TTC6: variants seen among roughly 807,000 people sequenced by gnomAD.
TTC6 encodes tetratricopeptide repeat protein 6.
A neutral mutation model predicts 210.4 loss-of-function variants in TTC6; 172 were observed. The ratio of observed to expected loss-of-function variants is 0.82; its 90% confidence interval spans 0.72 to 0.93. The LOEUF is 0.93. Among genes scored for constraint, TTC6 ranks in the 40% least tolerant of loss-of-function variants. TTC6 has a pLI of 0.00. For synonymous variants in TTC6, 804 were observed against 819.6 expected (o/e 0.98, Z 0.32); for missense variants, 2,414 against 2,318.1 (o/e 1.04, Z -0.85).
intron 7 of TTC6, among the ~76,000 whole-genome samples, chr14:37,733,062 A>G (rs1328212503): frequency 2.6e-5 from 4 of 152,190 alleles, no homozygotes; most frequent in Admixed American, 1.3e-4. Flanking sequence ...GGTCAACGGT[A>G]TGTTTTACTT....
At chr14:37,729,493 C>T (rs1182405407) in intron 7 of TTC6, among the ~76,000 whole-genome samples, 2 of 152,164 alleles carry the variant, frequency 1.3e-5, no homozygotes. Context: ...TGCTCCCAGC[C>T]AGGGACTGAG....
chr14:37,819,643 A>G (rs1211333684), intron 26 of TTC6, among the ~76,000 whole-genome samples: 2 of 152,228 alleles, frequency 1.3e-5, no homozygotes, highest in Admixed American at 1.3e-4. Context: ...GATTACTCAG[A>G]GTTATATATC....
chr14:37,838,783 C>T (rs1316674301), intron 29 of TTC6, among the ~76,000 whole-genome samples: 3 of 151,992 alleles, frequency 2.0e-5, no homozygotes, highest in African/African-American at 4.8e-5. Context: ...CTACACCCAT[C>T]GACGCATCAT....
chr14:37,812,598 A>G (rs8007704), intron 25 of TTC6, among the ~76,000 whole-genome samples, 165 bp downstream of exon 27: 6,114 of 132,914 alleles, frequency 0.046, 406 homozygotes, highest in African/African-American at 0.14. Flanking sequence ...CTTTGAAAAA[A>G]TGTATATTTT....
At chr14:37,817,638 A>G (rs370029146) in exon 26 of TTC6, 19 of 1,613,920 alleles carry the variant, frequency 1.2e-5, no homozygotes, top group Non-Finnish European at 1.4e-5. Flanking sequence ...CGCCACTGCC[A>G]TGTGCCATCA....
At chr14:37,733,312 T>C (rs1326386452) in intron 7 of TTC6, among the ~76,000 whole-genome samples, 1 of 152,184 alleles carries the variant, frequency 6.6e-6, no homozygotes, top group Non-Finnish European at 1.5e-5. Flanking sequence ...TTTTTGGCTT[T>C]TCTTTTTTTT....
intron 2 of TTC6, among the ~76,000 whole-genome samples, chr14:37,611,827 G>A (rs1464154866): frequency 6.6e-6 from 1 of 152,106 alleles, no homozygotes; most frequent in African/African-American, 2.4e-5. Context: ...TAGGGTCGAT[G>A]TGTGTAGTTT....
intron 14 of TTC6, among the ~76,000 whole-genome samples, chr14:37,766,218 A>G (rs570229630): frequency 6.6e-6 from 1 of 151,908 alleles, no homozygotes; most frequent in Non-Finnish European, 1.5e-5. Context: ...TTCTTTTTTT[A>G]ACTTTTATTT....
At chr14:37,634,984 A>G (rs2095677356) in intron 1 of TTC6, among the ~76,000 whole-genome samples, 1 of 152,204 alleles carries the variant, frequency 6.6e-6, no homozygotes, top group African/African-American at 2.4e-5. Flanking sequence ...AGTTCTCTAA[A>G]CAGAAAAGAT....
At chr14:37,786,883 T>C (rs1471823229) in intron 14 of TTC6, among the ~76,000 whole-genome samples, 1 of 152,232 alleles carries the variant, frequency 6.6e-6, no homozygotes, top group Non-Finnish European at 1.5e-5. Context: ...ATTAACTAAT[T>C]GAAGATGAGT....
intron 1 of TTC6, among the ~76,000 whole-genome samples, chr14:37,605,973 C>G (rs1368942761): frequency 2.0e-5 from 3 of 151,960 alleles, no homozygotes; most frequent in Non-Finnish European, 2.9e-5. Flanking sequence ...GCCCCAATGC[C>G]AGACTTCCAA....
At chr14:37,773,897 T>C (rs568454436) in intron 14 of TTC6, among the ~76,000 whole-genome samples, 1 of 152,318 alleles carries the variant, frequency 6.6e-6, no homozygotes, top group Admixed American at 6.5e-5. Context: ...GAGCATGGAA[T>C]GTTTTTTTCG....
intron 7 of TTC6, among the ~76,000 whole-genome samples, chr14:37,726,936 G>A (rs568137321): frequency 6.6e-6 from 1 of 151,848 alleles, no homozygotes; most frequent in South Asian, 2.1e-4. Context: ...TTCTGATGGT[G>A]TTTCTGATAT....
intron 1 of TTC6, among the ~76,000 whole-genome samples, chr14:37,669,520 C>T (rs556988037): frequency 4.1e-4 from 62 of 152,158 alleles, no homozygotes; most frequent in Non-Finnish European, 6.0e-4. Context: ...ATTCCCCTTC[C>T]TTGCCCGAAC....
intron 20 of TTC6, among the ~76,000 whole-genome samples, chr14:37,798,350 T>C (rs2096097501): frequency 6.6e-6 from 1 of 151,354 alleles, no homozygotes; most frequent in Non-Finnish European, 1.5e-5. Context: ...TTCCTAGTTT[T>C]CCAGTTTTTT....
At chr14:37,811,259 A>C (rs2096128941) in intron 24 of TTC6, among the ~76,000 whole-genome samples, 1 of 152,204 alleles carries the variant, frequency 6.6e-6, no homozygotes, top group Admixed American at 6.5e-5. Context: ...AAAATGTTAG[A>C]CAATTTGTGG....
chr14:37,690,076 G>A (rs1304949167), intron 3 of TTC6, among the ~76,000 whole-genome samples: 1 of 152,090 alleles, frequency 6.6e-6, no homozygotes, highest in African/African-American at 2.4e-5. Context: ...TAAAGTTAAA[G>A]TGTAGAGAAT....
In TTC6 at chr14:37,622,612, G is replaced by A. The variant is rs575515874; in HGVS notation, c.548G>A (p.Arg183Lys). Reference sequence around the variant, plus strand: ...CCCAGGCGGGTCTTCCACTTGGGAAGGGAGCGCGAACAGAGCCAGGAGGTA... The same window carrying A: ...CCCAGGCGGGTCTTCCACTTGGGAAAGGAGCGCGAACAGAGCCAGGAGGTA... Residue 183 changes from arginine to lysine, a missense_variant, in exon 1 of 31, where the codon AGG (arginine) becomes AAG (lysine). By Grantham distance (26) the Arg-to-Lys change is conservative. Coordinates refer to ENST00000553443, the Ensembl canonical transcript of TTC6. 3 of 1,534,876 alleles carry A rather than the reference G, an allele frequency of 2.0e-6. No homozygotes were observed. The South Asian group carries it at 3.6e-5, about 18-fold the overall frequency.
At chr14:37,630,911 T>TTTTTTTTTG (rs2095668470) in intron 1 of TTC6, among the ~76,000 whole-genome samples, 1 of 39,554 alleles carries the variant, frequency 2.5e-5, no homozygotes, top group Admixed American at 2.3e-4. Flanking sequence ...ACCCCTGTTT[T>TTTTTTTTTG]TTTTTTTTTT....
Sources: allele counts gnomAD v4.1 joint callset (sites outside exome capture counted in the v4.1 genomes callset), GRCh38; gene constraint gnomAD v4.1.1; transcripts MANE v1.5; gene names NCBI Gene and HGNC (gene_info 2026-07-23, HGNC 2026-07-21).